CASQ2: variants seen among roughly 807,000 people sequenced by gnomAD.
CASQ2 encodes calsequestrin-2.
CASQ2 carries 49 observed loss-of-function variants against 46.5 expected under a neutral mutation model. The ratio of observed to expected loss-of-function variants is 1.05; its 90% CI spans 0.84 to 1.34. CASQ2 has a LOEUF of 1.34. CASQ2 is among the 40% of genes most tolerant of loss of function. CASQ2 has a pLI of 0.00. For synonymous variants in CASQ2, 174 were observed against 168.5 expected (o/e 1.03, Z -0.25); for missense variants, 486 against 481.3 (o/e 1.01, Z -0.09).
At chr1:115,742,164 A>T (rs572441135) in intron 2 of CASQ2, among the ~76,000 whole-genome samples, 2 of 152,026 alleles carry the variant, frequency 1.3e-5, no homozygotes, top group African/African-American at 4.8e-5. Flanking sequence ...GGCATGTGCT[A>T]TGATGCTGGC....
chr1:115,714,699 A>G (rs941424055), intron 8 of CASQ2, among the ~76,000 whole-genome samples: 7 of 152,210 alleles, frequency 4.6e-5, no homozygotes, highest in Non-Finnish European at 1.0e-4. Flanking sequence ...CAGGTAAATC[A>G]CTGATTAACC....
intron 1 of CASQ2, among the ~76,000 whole-genome samples, chr1:115,760,860 C>G (rs571789079): frequency 1.3e-5 from 2 of 152,280 alleles, no homozygotes; most frequent in South Asian, 4.2e-4. Context: ...ACTTCAAGCA[C>G]TCAATTAGTC....
chr1:115,719,380 G>T (rs1647291903), intron 7 of CASQ2, among the ~76,000 whole-genome samples: 1 of 152,200 alleles, frequency 6.6e-6, no homozygotes, highest in Non-Finnish European at 1.5e-5. Flanking sequence ...CTGTGTCTCT[G>T]TCTCCTGCCA....
chr1:115,766,250 G>C (rs983798886), intron 1 of CASQ2, among the ~76,000 whole-genome samples: 2 of 152,154 alleles, frequency 1.3e-5, no homozygotes, highest in African/African-American at 2.4e-5. Context: ...GGGCGTTTTC[G>C]CACTGATTTC....
Position 115,738,349 on chromosome 1 carries a change from C to G in CASQ2, c.421-14G>C. On this transcript the variant is annotated splice_polypyrimidine_tract_variant and intron_variant, in intron 3 of 10. Coordinates refer to ENST00000261448, the MANE Select transcript of CASQ2 (RefSeq NM_001232.4). The stretch of plus-strand genomic sequence containing the variant: ...GTCTTCAATTAGCTGAAATGCCACA[C>G]GCACATACACACATGTTCAAACAAG... 1.4e-6 allele frequency: 2 copies of G among 1,422,252 alleles called. No homozygotes were observed. The highest frequency in any genetic ancestry group is 2.0e-6 in the Non-Finnish European group (2 of 1,005,032). The allele number at this position is 1,422,252 out of a possible 1,614,324, so 88.1% of individuals were successfully genotyped here. A position where few individuals can be genotyped will look rare whatever the true frequency, so the allele number is the denominator to read the frequency against.
intron 1 of CASQ2, among the ~76,000 whole-genome samples, chr1:115,757,320 C>T (rs1020799699): frequency 2.6e-5 from 4 of 152,136 alleles, no homozygotes; most frequent in South Asian, 2.1e-4. Flanking sequence ...CAGAGAACTG[C>T]GATTTAAAAG....
At chr1:115,736,249 C>T (rs968603556) in intron 4 of CASQ2, among the ~76,000 whole-genome samples, 2 of 151,738 alleles carry the variant, frequency 1.3e-5, no homozygotes, top group Admixed American at 6.6e-5. Flanking sequence ...GTCTCTTGTC[C>T]AAGGTGACCA....
intron 1 of CASQ2, among the ~76,000 whole-genome samples, chr1:115,749,134 C>T (rs1013496225): frequency 6.6e-6 from 1 of 152,094 alleles, no homozygotes; most frequent in African/African-American, 2.4e-5. Context: ...TCTTTAAGCC[C>T]CTCTCTCTAC....
chr1:115,749,446 A>C (rs1648500097), intron 1 of CASQ2, among the ~76,000 whole-genome samples: 1 of 152,196 alleles, frequency 6.6e-6, no homozygotes. Context: ...ACAGCCAATC[A>C]CTGTCCTGTG....
At chr1:115,712,781 G>C (rs997035551) in intron 8 of CASQ2, among the ~76,000 whole-genome samples, 2 of 151,210 alleles carry the variant, frequency 1.3e-5, no homozygotes, top group African/African-American at 4.9e-5. Flanking sequence ...GCTTGAACCC[G>C]GGAGGTGGAG....
At chr1:115,707,354 C>T (rs952549546) in intron 8 of CASQ2, among the ~76,000 whole-genome samples, 1 of 152,182 alleles carries the variant, frequency 6.6e-6, no homozygotes, top group Non-Finnish European at 1.5e-5. Flanking sequence ...CCGGTGGCCA[C>T]TTCTTGCAGA....
chr1:115,733,574 A>G (rs561577113), intron 4 of CASQ2, among the ~76,000 whole-genome samples: 8 of 152,218 alleles, frequency 5.3e-5, no homozygotes, highest in African/African-American at 1.9e-4. Flanking sequence ...TTGATTGACT[A>G]TGGTCTCAAA....
intron 2 of CASQ2, among the ~76,000 whole-genome samples, chr1:115,741,910 G>A (rs763158091): frequency 5.9e-4 from 90 of 152,200 alleles, no homozygotes; most frequent in Non-Finnish European, 1.0e-3. Flanking sequence ...TCTGCAGAAC[G>A]TCCAGGGACA....
At chr1:115,718,110 G>A (rs1011431578) in intron 7 of CASQ2, among the ~76,000 whole-genome samples, 1 of 152,176 alleles carries the variant, frequency 6.6e-6, no homozygotes, top group African/African-American at 2.4e-5. Context: ...GTTTGGATCA[G>A]GGACTCAGAT....
intron 2 of CASQ2, among the ~76,000 whole-genome samples, chr1:115,743,994 A>G (rs1483721712): frequency 7.1e-6 from 1 of 141,272 alleles, no homozygotes; most frequent in East Asian, 2.1e-4. Flanking sequence ...AAAAAAAAAA[A>G]TGAACTGAGC....
In CASQ2 at chr1:115,768,367, G is replaced by C. The variant is rs866858282; in HGVS notation, c.175C>G (p.Pro59Ala). The stretch of plus-strand genomic sequence containing the variant: ...TGCGTGACCTTATCTGAAGACACCG[G>C]CTCATGGTAGTAGAGGCAAAGCAAG... ...YDLLCLYYHE[P>A]VSSDKVTQKQ... The change falls in exon 1 of 11, where the codon CCG becomes GCG. Residue 59 changes from proline to alanine, a missense_variant. Coordinates refer to ENST00000261448, the MANE Select transcript of CASQ2 (RefSeq NM_001232.4). 3 of 1,614,028 alleles carry C rather than the reference G, an allele frequency of 1.9e-6. No homozygotes were observed. In the South Asian group the frequency reaches 3.3e-5, roughly 18 times the overall value.
At chr1:115,713,577 C>T (rs1211306796) in intron 8 of CASQ2, among the ~76,000 whole-genome samples, 1 of 152,172 alleles carries the variant, frequency 6.6e-6, no homozygotes, top group Non-Finnish European at 1.5e-5. Context: ...GTGGTTGGGG[C>T]AGCTGGATCA....
chr1:115,761,488 G>A (rs56087032), intron 1 of CASQ2, among the ~76,000 whole-genome samples: 6,205 of 12,894 alleles, frequency 0.48, 1,308 homozygotes, highest in East Asian at 0.59. Flanking sequence ...GAAGAAGAAG[G>A]AGAAGAAGGA....
At chr1:115,732,804 T>C (rs1157314772) in intron 5 of CASQ2, 97 bp downstream of exon 5, 7 of 852,498 alleles carry the variant, frequency 8.2e-6, no homozygotes, top group Admixed American at 1.7e-5. Flanking sequence ...GGGAGGATGG[T>C]TAATGTTGCT....
Sources: gnomAD v4.1 joint callset for allele counts (sites outside exome capture counted in the v4.1 genomes callset) on GRCh38, gnomAD v4.1.1 for gene constraint, MANE v1.5 for transcripts, NCBI Gene and HGNC (gene_info 2026-07-23, HGNC 2026-07-21) for gene names.